The following SSBP3 variants were observed in gnomAD, a reference collection of about 807,000 sequenced individuals.
SSBP3 encodes the protein single stranded DNA binding protein 3, also known as single-stranded DNA-binding protein 3.
SSBP3 carries 5 observed loss-of-function variants against 69.6 expected under a neutral mutation model. The observed-to-expected ratio is 0.07, with a 90% CI of 0.04 to 0.15. The LOEUF (loss-of-function observed/expected upper bound fraction) is 0.15, where lower values mean the gene tolerates loss of function less well. Among genes scored for constraint, SSBP3 ranks in the 10% least tolerant of loss-of-function variants. The probability of loss-of-function intolerance (pLI) is 1.00; values close to 1 mark genes in which losing one functional copy is unlikely to be tolerated. For missense variants in SSBP3, 312 were observed against 534.0 expected, an observed-to-expected ratio of 0.58 and a Z score of 4.10; for synonymous variants, 196 against 193.4, an observed-to-expected ratio of 1.01 and a Z score of -0.11.
intron 5 of SSBP3, among the ~76,000 whole-genome samples, chr1:54,267,551 G>A (rs982702823): frequency 1.3e-5 from 2 of 152,210 alleles, no homozygotes; most frequent in East Asian, 3.9e-4. Flanking sequence ...ATGAACAGGT[G>A]TCTCCTGGCA....
intron 9 of SSBP3, among the ~76,000 whole-genome samples, chr1:54,245,537 G>A (rs1644719119): frequency 6.6e-6 from 1 of 152,174 alleles, no homozygotes; most frequent in African/African-American, 2.4e-5. Context: ...CACCACCCTG[G>A]GGCCACCTGC....
chr1:54,273,489 T>G (rs1399145649), intron 5 of SSBP3, among the ~76,000 whole-genome samples: 1 of 152,236 alleles, frequency 6.6e-6, no homozygotes, highest in Admixed American at 6.5e-5. Context: ...GCCGGTCATC[T>G]GCCGCTGGGC....
In SSBP3 at chr1:54,303,235, C is replaced by T. The variant is rs1346268746; in HGVS notation, c.277-21708G>A. On this transcript the variant is annotated intron_variant, in intron 4 of 17. Coordinates refer to ENST00000610401, the Ensembl canonical transcript of SSBP3. ...GAGCTTGGGGTGGGGGCGCCTCTGC[C>T]ATGCAGCCTCTCCTGACTACCTCTC... 2.0e-5 allele frequency among the ~76,000 whole-genome samples: 3 copies of T among 152,244 alleles called. No individual in the cohort carries two copies. The East Asian group carries it at 5.8e-4, about 29-fold the overall frequency.
At chr1:54,372,021 C>T (rs1244315231) in intron 4 of SSBP3, among the ~76,000 whole-genome samples, 1 of 152,166 alleles carries the variant, frequency 6.6e-6, no homozygotes, top group African/African-American at 2.4e-5. Context: ...GACTCACCAA[C>T]TCTCCCAAAC....
At chr1:54,386,228 G>A (rs1165955958) in intron 4 of SSBP3, among the ~76,000 whole-genome samples, 2 of 152,214 alleles carry the variant, frequency 1.3e-5, no homozygotes, top group Admixed American at 6.5e-5. Context: ...TCAACCCCTC[G>A]CTCCCCACAG....
At chr1:54,313,202 C>T (rs1484983015) in intron 4 of SSBP3, among the ~76,000 whole-genome samples, 1 of 151,946 alleles carries the variant, frequency 6.6e-6, no homozygotes, top group Non-Finnish European at 1.5e-5. Flanking sequence ...GAGACAGCTG[C>T]CCAGGGACCA....
At chr1:54,246,482 C>G (rs1255652754) in intron 9 of SSBP3, among the ~76,000 whole-genome samples, 1 of 152,198 alleles carries the variant, frequency 6.6e-6, no homozygotes, top group Admixed American at 6.5e-5. Flanking sequence ...GAGCAGAAGC[C>G]TGGTATGTCT....
At chr1:54,339,542 G>A (rs1646569698) in intron 4 of SSBP3, among the ~76,000 whole-genome samples, 1 of 152,008 alleles carries the variant, frequency 6.6e-6, no homozygotes, top group African/African-American at 2.4e-5. Context: ...TAAAATACTA[G>A]CCTAGCCCTA....
chr1:54,358,829 G>C (rs1471526395), intron 4 of SSBP3, among the ~76,000 whole-genome samples: 1 of 152,200 alleles, frequency 6.6e-6, no homozygotes, highest in African/African-American at 2.4e-5. Flanking sequence ...TTTAGGTAAG[G>C]TTGGGGATTA....
chr1:54,260,553 A>G (rs1406046338), intron 5 of SSBP3, among the ~76,000 whole-genome samples: 2 of 152,230 alleles, frequency 1.3e-5, no homozygotes, highest in African/African-American at 4.8e-5. Flanking sequence ...TCCAGACAGC[A>G]AGGCTGGCAG....
At chr1:54,272,091 A>G (rs544061143) in intron 5 of SSBP3, among the ~76,000 whole-genome samples, 173 of 152,276 alleles carry the variant, frequency 1.1e-3, no homozygotes, top group African/African-American at 4.0e-3. Flanking sequence ...TTTCTGAGAG[A>G]AAAGTTTACA....
chr1:54,257,250 C>T (rs1380308205), intron 6 of SSBP3, 64 bp from the exon 7 acceptor site: 2 of 1,394,900 alleles, frequency 1.4e-6, no homozygotes, highest in Non-Finnish European at 1.9e-6. Context: ...AACACAAATG[C>T]TCTCCACTCC....
chr1:54,308,854 C>G (rs140128196), intron 4 of SSBP3, among the ~76,000 whole-genome samples: 4 of 152,074 alleles, frequency 2.6e-5, no homozygotes, highest in African/African-American at 7.2e-5. Context: ...GCTCTGAAAA[C>G]TAGGACTCTT....
intron 4 of SSBP3, among the ~76,000 whole-genome samples, chr1:54,387,411 G>T (rs1040798971): frequency 6.6e-6 from 1 of 152,130 alleles, no homozygotes; most frequent in Non-Finnish European, 1.5e-5. Context: ...TAAATCCAAC[G>T]TGGGCTCTTT....
intron 4 of SSBP3, among the ~76,000 whole-genome samples, chr1:54,305,803 T>C (rs1645889844): frequency 6.7e-6 from 1 of 149,640 alleles, no homozygotes; most frequent in Non-Finnish European, 1.5e-5. Context: ...GGAAAGAAAC[T>C]CTCGCTTGGA....
At chr1:54,383,628 A>T (rs945583201) in intron 4 of SSBP3, among the ~76,000 whole-genome samples, 2 of 152,114 alleles carry the variant, frequency 1.3e-5, no homozygotes, top group Admixed American at 6.5e-5. Flanking sequence ...ATCGCCACCA[A>T]CCCTGAATTA....
chr1:54,269,350 CAG>C (rs1645153985), intron 5 of SSBP3, among the ~76,000 whole-genome samples: 1 of 152,192 alleles, frequency 6.6e-6, no homozygotes, highest in South Asian at 2.1e-4. Flanking sequence ...GCCCAGAAGA[CAG>C]GGGCCAGGTC....
chr1:54,367,161 A>G (rs953237497), intron 4 of SSBP3, among the ~76,000 whole-genome samples: 4 of 152,056 alleles, frequency 2.6e-5, no homozygotes, highest in Non-Finnish European at 4.4e-5. Flanking sequence ...ATCCTAGTCT[A>G]CCTCCATAAG....
chr1:54,341,122 A>G (rs1557546819), intron 4 of SSBP3, among the ~76,000 whole-genome samples: 1 of 152,080 alleles, frequency 6.6e-6, no homozygotes, highest in African/African-American at 2.4e-5. Flanking sequence ...TGCTGGATTA[A>G]CTCTCTTTCC....
Sources: allele counts gnomAD v4.1 joint callset (sites outside exome capture counted in the v4.1 genomes callset), GRCh38; gene constraint gnomAD v4.1.1; transcripts MANE v1.5; gene names NCBI Gene and HGNC (gene_info 2026-07-23, HGNC 2026-07-21).